The following PDE1A variants were observed in gnomAD, a reference collection of about 807,000 sequenced individuals.
PDE1A encodes the protein phosphodiesterase 1A.
A neutral mutation model predicts 61.7 loss-of-function variants in PDE1A; 35 were observed. The observed-to-expected ratio is 0.57, with a 90% CI of 0.43 to 0.75. The LOEUF is 0.75. Among genes scored for constraint, PDE1A ranks in the 30% least tolerant of loss-of-function variants. The pLI is 0.00. For missense variants in PDE1A, 597 were observed against 630.6 expected, an observed-to-expected ratio of 0.95 and a Z score of 0.57; for synonymous variants, 232 against 213.2, an observed-to-expected ratio of 1.09 and a Z score of -0.77.
At chr2:182,399,260 G>T (rs1701870047) in intron 1 of PDE1A, among the ~76,000 whole-genome samples, 2 of 150,860 alleles carry the variant, frequency 1.3e-5, no homozygotes, top group South Asian at 2.1e-4. Flanking sequence ...GCACTTTTTT[G>T]GTATAAAATT....
At chr2:182,158,683 A>G (rs1378714046) in intron 13 of PDE1A, among the ~76,000 whole-genome samples, 1 of 152,130 alleles carries the variant, frequency 6.6e-6, no homozygotes, top group Non-Finnish European at 1.5e-5. Flanking sequence ...TTCCAAGACC[A>G]CTCACTACCC....
At chr2:182,397,716 G>T (rs1031263165) in intron 1 of PDE1A, among the ~76,000 whole-genome samples, 3 of 152,016 alleles carry the variant, frequency 2.0e-5, no homozygotes, top group Admixed American at 2.0e-4. Flanking sequence ...CACATGTACA[G>T]CTTCTTATCT....
chr2:182,176,180 T>C (rs1229467470), intron 13 of PDE1A, among the ~76,000 whole-genome samples: 1 of 148,412 alleles, frequency 6.7e-6, no homozygotes, highest in African/African-American at 2.6e-5. Flanking sequence ...TCTTTTTTGG[T>C]TCCATAGGAA....
the PDE1A span, among the ~76,000 whole-genome samples, chr2:182,566,040 CA>C: frequency 1.3e-5 from 2 of 152,112 alleles, no homozygotes; most frequent in African/African-American, 4.8e-5. Flanking sequence ...TCTCAGAGCT[CA>C]GTGATTTGAA....
chr2:182,459,357 C>A (rs922617653), intron 2 of PDE1A, among the ~76,000 whole-genome samples: 15 of 152,106 alleles, frequency 9.9e-5, no homozygotes, highest in African/African-American at 3.6e-4. Flanking sequence ...CCCTCCAGTG[C>A]ATATTGAGAG....
At chr2:182,499,866 C>A (rs1016535976) in intron 2 of PDE1A, among the ~76,000 whole-genome samples, 7 of 152,152 alleles carry the variant, frequency 4.6e-5, no homozygotes, top group Admixed American at 4.6e-4. Flanking sequence ...AAACAGCAAA[C>A]GCAATTCATG....
the PDE1A span, among the ~76,000 whole-genome samples, chr2:182,637,094 T>A: frequency 6.6e-6 from 1 of 152,248 alleles, no homozygotes; most frequent in Admixed American, 6.5e-5. Context: ...CCCAGGATAA[T>A]CTTCCTATTT....
At chr2:182,521,319 A>T (rs1393811393) in intron 2 of PDE1A, among the ~76,000 whole-genome samples, 3 of 152,038 alleles carry the variant, frequency 2.0e-5, no homozygotes, top group African/African-American at 7.2e-5. Context: ...GAAAATCTCT[A>T]TTTTGCATAG....
At chr2:182,362,659 GT>G (rs1200921095) in intron 1 of PDE1A, among the ~76,000 whole-genome samples, 1 of 151,974 alleles carries the variant, frequency 6.6e-6, no homozygotes, top group African/African-American at 2.4e-5. Context: ...GGAAGACAAT[GT>G]AGTGATTCCT....
chr2:182,448,305 C>T (rs1685273622), intron 2 of PDE1A, among the ~76,000 whole-genome samples: 1 of 149,256 alleles, frequency 6.7e-6, no homozygotes, highest in Non-Finnish European at 1.5e-5. Flanking sequence ...AACAAAATCA[C>T]ATCATTTGCT....
At chr2:182,709,674 T>C in the PDE1A span, among the ~76,000 whole-genome samples, 107 of 152,322 alleles carry the variant, frequency 7.0e-4, no homozygotes, top group Non-Finnish European at 1.4e-3. Flanking sequence ...AAAAATGAAA[T>C]GAAATGCTTT....
chr2:182,456,223 T>C (rs778071501), intron 2 of PDE1A, among the ~76,000 whole-genome samples: 2 of 152,022 alleles, frequency 1.3e-5, no homozygotes, highest in African/African-American at 2.4e-5. Context: ...AGGGAACTTA[T>C]CAGCCATGCA....
At chr2:182,174,618 C>T (rs911365735) in intron 13 of PDE1A, among the ~76,000 whole-genome samples, 4 of 152,036 alleles carry the variant, frequency 2.6e-5, no homozygotes, top group South Asian at 2.1e-4. Context: ...TTTAAGCTGG[C>T]TTGTATAATC....
intron 1 of PDE1A, 92 bp downstream of exon 1, chr2:182,426,486 T>C: frequency 1.1e-6 from 1 of 906,302 alleles, no homozygotes. Flanking sequence ...TGCTCTGCTG[T>C]AGCTTAGTGG....
chr2:182,330,640 C>T (rs985914645), intron 1 of PDE1A, among the ~76,000 whole-genome samples: 2 of 152,276 alleles, frequency 1.3e-5, no homozygotes, highest in Admixed American at 6.5e-5. Context: ...CTCTCTGCCT[C>T]TGAACCCACG....
chr2:182,641,095 CAT>C, the PDE1A span, among the ~76,000 whole-genome samples: 1 of 146,910 alleles, frequency 6.8e-6, no homozygotes, highest in Non-Finnish European at 1.5e-5. Flanking sequence ...AGTTTTCAAA[CAT>C]GTGAAAAATG....
chr2:182,471,010 T>C (rs1686993373), intron 2 of PDE1A, among the ~76,000 whole-genome samples: 1 of 151,842 alleles, frequency 6.6e-6, no homozygotes, highest in African/African-American at 2.4e-5. Context: ...TAGTTAAAAT[T>C]ATATACACTT....
At chr2:182,526,470 C>T (rs1225121708), upstream of PDE1A, among the ~76,000 whole-genome samples, 1 of 152,096 alleles carries the variant, frequency 6.6e-6, no homozygotes, top group Non-Finnish European at 1.5e-5. Flanking sequence ...AGATAGAAAC[C>T]ATAAAAGGCT....
chr2:182,329,671 G>A lies in PDE1A; in HGVS notation c.54-65257C>T, dbSNP rs1025963131. Among the ~76,000 whole-genome samples the A allele has an allele frequency of 1.7e-4, 26 of 152,120 alleles. 1 individual carries two copies. Among genetic ancestry groups the A allele is most frequent in the Admixed American group, 9.2e-4 (14 of 15,258 alleles). ...CTCCCAAAGTGCTGGGATTACAGGC[G>A]TGAGCCACCAGGCCTGGCCTGTCTA... On this transcript the variant is annotated intron_variant, in intron 1 of 13. Coordinates refer to ENST00000351439, the Ensembl canonical transcript of PDE1A.
Sources: allele counts gnomAD v4.1 joint callset (sites outside exome capture counted in the v4.1 genomes callset), GRCh38; gene constraint gnomAD v4.1.1; transcripts MANE v1.5; gene names NCBI Gene and HGNC (gene_info 2026-07-23, HGNC 2026-07-21).